DCLK1: variants seen among roughly 807,000 people sequenced by gnomAD.
The protein encoded by DCLK1 is serine/threonine-protein kinase DCLK1.
In DCLK1, 16 loss-of-function variants were observed where a neutral mutation model predicts 86.2. That is an observed-to-expected ratio of 0.19 (90% CI 0.13 to 0.28). The LOEUF (loss-of-function observed/expected upper bound fraction) is 0.28. DCLK1 is among the 10% of genes least tolerant of loss of function. DCLK1 has a pLI of 1.00. For synonymous variants in DCLK1, 369 were observed against 370.5 expected (o/e 1.00, Z 0.05); for missense variants, 590 against 940.2 (o/e 0.63, Z 4.87).
At chr13:35,930,141 G>C (rs1381916225) in intron 4 of DCLK1, among the ~76,000 whole-genome samples, 2 of 152,128 alleles carry the variant, frequency 1.3e-5, no homozygotes, top group Non-Finnish European at 2.9e-5. Flanking sequence ...TCCTGAAGTA[G>C]ATATTTAACT....
rs1376835970 is a variant in DCLK1, at chr13:35,864,543, C to T, written c.940+6681G>A. ...TCCCGCCACTGCACTCCAGCCTGGG[C>T]GACAGAGCGAGACTCCGTCTCAAAA... On this transcript the variant is annotated intron_variant, in intron 5 of 16. Coordinates refer to ENST00000360631, the MANE Select transcript of DCLK1 (RefSeq NM_001330071.2). 2.9e-4 allele frequency among the ~76,000 whole-genome samples: 16 copies of T among 54,554 alleles called. 5 individuals carry two copies. The highest frequency in any genetic ancestry group is 1.0e-3 in the African/African-American group (10 of 9,632). 35.8% of individuals were successfully genotyped at this position (54,554 alleles called of 152,430 possible).
rs1443353427 is a variant in DCLK1 at position 36,112,127 on chromosome 13, C to G, written c.465G>C (p.Lys155Asn). Residue 155 changes from lysine to asparagine, a missense_variant, in exon 3 of 17, where the codon AAG (lysine) becomes AAC (asparagine). Lys to Asn is a moderately conservative substitution (Grantham distance 94). Around this residue, in one of 6 missense-constraint regions of DCLK1, gnomAD observed 195 missense variants for 365.1 expected, o/e 0.53. Transcript: ENST00000360631. ...ACACTGCCCGAGAAGCCGAGGTGGT[C>G]TTGACGTTCACCGACCAGTTGGGGT... ...NVNPNWSVNV[K>N]TTSASRAVSS... is the part of the protein sequence containing the mutation. The G allele has an allele frequency of 6.2e-7, 1 of 1,613,520 alleles. No homozygotes were observed. The highest frequency in any genetic ancestry group is 8.5e-7 in the Non-Finnish European group (1 of 1,179,536).
intron 3 of DCLK1, among the ~76,000 whole-genome samples, chr13:35,993,524 T>C (rs991674309): frequency 3.9e-5 from 6 of 152,158 alleles, no homozygotes; most frequent in African/African-American, 1.4e-4. Context: ...GCATGATTTG[T>C]CTTAGACTTG....
At chr13:35,991,661 C>T (rs1880235422) in intron 3 of DCLK1, among the ~76,000 whole-genome samples, 1 of 152,124 alleles carries the variant, frequency 6.6e-6, no homozygotes, top group Admixed American at 6.6e-5. Flanking sequence ...GACCTTATCT[C>T]AAACAAACAA....
chr13:35,893,459 T>C (rs1038843116), intron 4 of DCLK1, among the ~76,000 whole-genome samples: 2 of 152,258 alleles, frequency 1.3e-5, no homozygotes, highest in African/African-American at 2.4e-5. Context: ...AGTCACTTAC[T>C]ACTGGTTGAG....
chr13:35,965,879 T>C (rs1878709210), intron 3 of DCLK1, among the ~76,000 whole-genome samples: 1 of 152,070 alleles, frequency 6.6e-6, no homozygotes, highest in East Asian at 1.9e-4. Context: ...TAAGAGACTG[T>C]AAGGGATCTG....
intron 6 of DCLK1, among the ~76,000 whole-genome samples, chr13:35,851,097 T>C (rs1320834215): frequency 6.6e-6 from 1 of 152,188 alleles, no homozygotes; most frequent in African/African-American, 2.4e-5. Context: ...AATTCTTCCT[T>C]GACCATTTCC....
chr13:36,131,601 T>C (rs1886364114), upstream of DCLK1, among the ~76,000 whole-genome samples: 2 of 151,752 alleles, frequency 1.3e-5, no homozygotes, highest in Non-Finnish European at 2.9e-5. Context: ...CCCCTAAACC[T>C]CCCTAGTCCC....
intron 4 of DCLK1, among the ~76,000 whole-genome samples, chr13:35,909,652 C>A (rs1430215351): frequency 2.1e-5 from 3 of 143,540 alleles, no homozygotes; most frequent in Admixed American, 1.4e-4. Context: ...TTTTTTTTTT[C>A]TACAAAGGAA....
intron 4 of DCLK1, among the ~76,000 whole-genome samples, chr13:35,879,599 A>G (rs888497689): frequency 2.0e-5 from 3 of 152,182 alleles, no homozygotes; most frequent in Non-Finnish European, 4.4e-5. Flanking sequence ...TGGTAACCCA[A>G]GTTCCTACTA....
intron 6 of DCLK1, chr13:35,846,548 T>C (rs574199217): frequency 5.7e-5 from 56 of 985,358 alleles, no homozygotes; most frequent in Non-Finnish European, 6.6e-5. Context: ...AAAATTATAG[T>C]GAGGGCCTCT....
At chr13:35,775,356 C>A (rs1404537708) in intron 16 of DCLK1, among the ~76,000 whole-genome samples, 1 of 152,176 alleles carries the variant, frequency 6.6e-6, no homozygotes, top group African/African-American at 2.4e-5. Context: ...TTACAAAGTT[C>A]ATTTTCATCA....
chr13:35,994,023 T>C (rs1025284917), intron 3 of DCLK1, among the ~76,000 whole-genome samples: 2 of 151,608 alleles, frequency 1.3e-5, no homozygotes, highest in African/African-American at 2.4e-5. Flanking sequence ...TTTTCTCTCA[T>C]CTGCAAAACA....
At chr13:35,953,388 T>C (rs1411761083) in intron 3 of DCLK1, among the ~76,000 whole-genome samples, 2 of 152,180 alleles carry the variant, frequency 1.3e-5, no homozygotes, top group African/African-American at 2.4e-5. Flanking sequence ...TTATGATCAA[T>C]AGTTACCACA....
chr13:35,883,035 A>C (rs1386131325), intron 4 of DCLK1, among the ~76,000 whole-genome samples: 1 of 152,176 alleles, frequency 6.6e-6, no homozygotes, highest in East Asian at 1.9e-4. Context: ...TGAGCTCTGA[A>C]CACAGGAAGA....
intron 4 of DCLK1, among the ~76,000 whole-genome samples, chr13:35,902,753 G>A (rs1037763672): frequency 2.6e-5 from 4 of 152,084 alleles, no homozygotes; most frequent in African/African-American, 9.7e-5. Context: ...GAAAGACACA[G>A]GCAGGGCCTC....
chr13:35,881,331 C>T lies in DCLK1; in HGVS notation c.824-9991G>A, dbSNP rs1159501878. Among the ~76,000 whole-genome samples the T allele has an allele frequency of 6.6e-5, 10 of 152,124 alleles. No individual in the cohort carries two copies. In the East Asian group the frequency reaches 7.7e-4, roughly 12 times the overall value. ...CACCAACTAGAAAGGGTGAAATGTGCGCCTCTAACCAATCCCGTAGAGTGC... is the reference window on the plus strand; with the variant it reads ...CACCAACTAGAAAGGGTGAAATGTGTGCCTCTAACCAATCCCGTAGAGTGC... On this transcript the variant is annotated intron_variant, in intron 4 of 16. Transcript: ENST00000360631.
intron 6 of DCLK1, chr13:35,849,995 TA>T (rs1366083666): frequency 1.0e-6 from 1 of 966,974 alleles, no homozygotes; most frequent in African/African-American, 1.8e-5. Flanking sequence ...TAGCTTAAGC[TA>T]AATTTATACT....
chr13:35,997,967 T>G (rs1461472313), intron 3 of DCLK1, among the ~76,000 whole-genome samples: 1 of 152,200 alleles, frequency 6.6e-6, no homozygotes, highest in East Asian at 1.9e-4. Flanking sequence ...CAGTTTCCCA[T>G]GTTCTGATTG....
Sources: allele counts gnomAD v4.1 joint callset (sites outside exome capture counted in the v4.1 genomes callset), GRCh38; gene constraint gnomAD v4.1.1; regional missense constraint gnomAD v4.1.1; transcripts MANE v1.5; gene names NCBI Gene and HGNC (gene_info 2026-07-23, HGNC 2026-07-21).